PARG: variants seen among roughly 807,000 people sequenced by gnomAD.
The protein encoded by PARG is mitochondrial poly(ADP-ribose) glycohydrolase.
Under a neutral mutation model 113.0 loss-of-function variants are expected in PARG, and 35 were observed. The observed-to-expected ratio is 0.31, with a 90% confidence interval of 0.24 to 0.41. PARG has a LOEUF of 0.41. Ranked by LOEUF, PARG falls within the 10% of genes least tolerant of loss-of-function variation. The pLI is 1.00. For synonymous variants in PARG, 330 were observed against 409.9 expected (o/e 0.81, Z 2.36); for missense variants, 797 against 1,169.4 (o/e 0.68, Z 4.64).
At chr10:49,892,861 C>T (rs1847878056) in intron 7 of PARG, among the ~76,000 whole-genome samples, 1 of 152,204 alleles carries the variant, frequency 6.6e-6, no homozygotes, top group African/African-American at 2.4e-5. Context: ...CCAAGTGGAT[C>T]ACTTGAGGTC....
intron 7 of PARG, among the ~76,000 whole-genome samples, chr10:49,894,010 T>C (rs190528449): frequency 9.2e-4 from 140 of 151,882 alleles, no homozygotes; most frequent in Admixed American, 2.8e-3. Context: ...ATTTTTGGAT[T>C]TTTAATAGAG....
rs1845046783 is a variant in PARG, at chr10:49,838,307, T to C, written c.2541+3643A>G. On this transcript the variant is annotated intron_variant, in intron 15 of 17. Coordinates refer to ENST00000616448, the MANE Select transcript of PARG (RefSeq NM_003631.5). ...ATAGCCGGGAGTAGTGGTGCATGCC[T>C]GTAATCCCAGCTACTCAGGAGGCTG... 4.0e-5 allele frequency among the ~76,000 whole-genome samples: 6 copies of C among 151,800 alleles called. No homozygotes were observed. In the South Asian group the frequency reaches 1.3e-3, roughly 32 times the overall value.
intron 16 of PARG, among the ~76,000 whole-genome samples, chr10:49,821,599 C>T (rs1190320362): frequency 3.3e-5 from 5 of 152,110 alleles, no homozygotes; most frequent in Non-Finnish European, 5.9e-5. Flanking sequence ...AGGCTGGTCT[C>T]GAACTCCTGA....
At chr10:49,830,491 T>G (rs1844604449) in intron 16 of PARG, among the ~76,000 whole-genome samples, 1 of 152,182 alleles carries the variant, frequency 6.6e-6, no homozygotes, top group Non-Finnish European at 1.5e-5. Flanking sequence ...CTCAGTAACT[T>G]CAGCCTGATC....
intron 13 of PARG, among the ~76,000 whole-genome samples, chr10:49,844,901 G>A (rs927981898): frequency 6.6e-6 from 1 of 152,170 alleles, no homozygotes; most frequent in African/African-American, 2.4e-5. Flanking sequence ...CTACATGTCT[G>A]CAATAAAAAC....
intron 1 of PARG, 82 bp downstream of exon 1, chr10:49,941,427 G>T: frequency 9.5e-7 from 1 of 1,053,892 alleles, no homozygotes; most frequent in Non-Finnish European, 1.4e-6. Context: ...AGAAAGGAGT[G>T]ACTGGAGCCC....
At chr10:49,901,329 G>C (rs1214026547) in intron 7 of PARG, among the ~76,000 whole-genome samples, 1 of 151,660 alleles carries the variant, frequency 6.6e-6, no homozygotes, top group African/African-American at 2.4e-5. Context: ...GCCCGGGCTG[G>C]TCTTGAACTC....
chr10:49,933,115 C>G (rs1453122678), intron 3 of PARG, 62 bp downstream of exon 3: 1 of 1,242,620 alleles, frequency 8.0e-7, no homozygotes, highest in African/African-American at 1.5e-5. Context: ...CTTCGTTAAA[C>G]TCCCTTACAA....
chr10:49,823,295 TAGAA>T (rs1449272103), intron 16 of PARG, among the ~76,000 whole-genome samples: 4 of 152,112 alleles, frequency 2.6e-5, no homozygotes, highest in African/African-American at 7.2e-5. Flanking sequence ...TATTTTTAAA[TAGAA>T]AGTTTTAAAA....
intron 9 of PARG, among the ~76,000 whole-genome samples, chr10:49,878,403 G>T (rs1847048870): frequency 6.8e-6 from 1 of 148,038 alleles, no homozygotes; most frequent in Non-Finnish European, 1.5e-5. Flanking sequence ...AGATCACCTG[G>T]GGTCAGGAGT....
chr10:49,912,290 A>G (rs1416559346), intron 7 of PARG, among the ~76,000 whole-genome samples: 2 of 152,206 alleles, frequency 1.3e-5, no homozygotes, highest in Admixed American at 6.5e-5. Flanking sequence ...ATAGAGTGAG[A>G]TACTGTCTCA....
At chr10:49,862,103 G>T (rs568219473) in intron 11 of PARG, among the ~76,000 whole-genome samples, 1 of 150,528 alleles carries the variant, frequency 6.6e-6, no homozygotes, top group African/African-American at 2.5e-5. Context: ...GTGTGTGTGT[G>T]TGTGTGTGTC....
At chr10:49,845,183 T>C (rs1554833140) in intron 13 of PARG, among the ~76,000 whole-genome samples, 1 of 152,210 alleles carries the variant, frequency 6.6e-6, no homozygotes, top group Non-Finnish European at 1.5e-5. Context: ...TAAATTGGTG[T>C]AATAATTTTG....
rs1168567519 is a variant in PARG, at chr10:49,836,307, C to CTTTTTTTTTTTTTTTTTTTTT, written c.2542-3420_2542-3400dup. Among the ~76,000 whole-genome samples the CTTTTTTTTTTTTTTTTTTTTT allele has an allele frequency of 1.2e-4, 6 of 48,010 alleles. 1 individual carries two copies. Among genetic ancestry groups the CTTTTTTTTTTTTTTTTTTTTT allele is most frequent in the Non-Finnish European group, 1.8e-4 (5 of 27,658 alleles). The allele number at this position is 48,010 out of a possible 152,430, so 31.5% of individuals were successfully genotyped here. ...TTTAGTATTCTCTGATTTCTTACGA[C>CTTTTTTTTTTTTTTTTTTTTT]TTTTTTTTTTTTTTTTTTTTTTTTT... On this transcript the variant is annotated intron_variant, in intron 15 of 17. Transcript: ENST00000616448.
At chr10:49,858,250 C>T (rs1426986497) in intron 12 of PARG, among the ~76,000 whole-genome samples, 202 of 120,588 alleles carry the variant, frequency 1.7e-3, no homozygotes, top group African/African-American at 6.4e-3. Context: ...CCAGTGTGTC[C>T]AGCACTATGC....
intron 8 of PARG, among the ~76,000 whole-genome samples, chr10:49,883,569 C>T (rs1235601773): frequency 1.2e-3 from 180 of 147,554 alleles, no homozygotes; most frequent in African/African-American, 4.3e-3. Context: ...GAGGCAAAGG[C>T]GGGCGGATCA....
chr10:49,858,463 C>T (rs1164869892), intron 12 of PARG, among the ~76,000 whole-genome samples: 11 of 123,098 alleles, frequency 8.9e-5, no homozygotes, highest in South Asian at 2.6e-4. Context: ...TTAAAATATA[C>T]GATTTCTTAA....
intron 7 of PARG, among the ~76,000 whole-genome samples, chr10:49,887,425 T>C (rs1847549333): frequency 6.6e-6 from 1 of 151,450 alleles, no homozygotes; most frequent in Non-Finnish European, 1.5e-5. Flanking sequence ...TCCACTACAA[T>C]AAAGATCTCA....
In PARG at chr10:49,818,770, TTAAA is replaced by T. The variant is rs1332226531; in HGVS notation, c.*566_*569del. The T allele has an allele frequency of 6.6e-6, 1 of 152,186 alleles. No homozygotes were observed. The allele number at this position is 152,186 out of a possible 1,614,324, so 9.4% of individuals were successfully genotyped here. A position where few individuals can be genotyped will look rare whatever the true frequency, so the allele number is the denominator to read the frequency against. On this transcript the variant is annotated 3_prime_UTR_variant, in exon 18 of 18. Coordinates refer to ENST00000616448, the MANE Select transcript of PARG (RefSeq NM_003631.5). ...TACAATTTCTGGAAATTATTCTATC[TTAAA>T]TAAAGAAACTATTTTAACCTAGGAG...
Sources: allele counts gnomAD v4.1 joint callset (sites outside exome capture counted in the v4.1 genomes callset), GRCh38; gene constraint gnomAD v4.1.1; transcripts MANE v1.5; gene names NCBI Gene and HGNC (gene_info 2026-07-23, HGNC 2026-07-21).